SHISA9: variants seen among roughly 807,000 people sequenced by gnomAD.
The protein encoded by SHISA9 is protein shisa-9.
A neutral mutation model predicts 38.0 loss-of-function variants in SHISA9; 13 were observed. That is an observed-to-expected ratio of 0.34 (90% CI 0.22 to 0.54). SHISA9 has a LOEUF of 0.54. Ranked by LOEUF, SHISA9 falls within the 20% of genes least tolerant of loss-of-function variation. SHISA9 has a pLI of 0.91. For synonymous variants in SHISA9, 275 were observed against 242.0 expected (o/e 1.14, Z -1.27); for missense variants, 538 against 575.8 (o/e 0.93, Z 0.67).
chr16:13,082,165 C>G (rs2073658554), intron 2 of SHISA9, among the ~76,000 whole-genome samples: 1 of 152,214 alleles, frequency 6.6e-6, no homozygotes, highest in South Asian at 2.1e-4. Flanking sequence ...GAGGTATTAA[C>G]CAGAAGTGTT....
chr16:13,264,282 T>A, the SHISA9 span, among the ~76,000 whole-genome samples: 7 of 152,014 alleles, frequency 4.6e-5, no homozygotes, highest in South Asian at 1.5e-3. Context: ...TACAGTGTTT[T>A]TTGTGCCTCA....
At chr16:12,993,796 TGTTAA>T (rs1292934727) in intron 2 of SHISA9, among the ~76,000 whole-genome samples, 2 of 152,128 alleles carry the variant, frequency 1.3e-5, no homozygotes. Context: ...AGCAAGAGAA[TGTTAA>T]GTTGAGATCT....
intron 1 of SHISA9, among the ~76,000 whole-genome samples, chr16:12,915,018 C>T (rs1453671550): frequency 6.6e-6 from 1 of 152,218 alleles, no homozygotes; most frequent in Admixed American, 6.5e-5. Context: ...TGCCCCCAAA[C>T]AGCTCCTCTT....
chr16:13,357,950 G>C, the SHISA9 span, among the ~76,000 whole-genome samples: 1 of 152,110 alleles, frequency 6.6e-6, no homozygotes, highest in Non-Finnish European at 1.5e-5. Flanking sequence ...GGTGGGGCAG[G>C]GCATATTCAC....
chr16:13,151,002 A>G (rs972246275), intron 2 of SHISA9, among the ~76,000 whole-genome samples: 1 of 152,124 alleles, frequency 6.6e-6, no homozygotes, highest in Non-Finnish European at 1.5e-5. Context: ...CTCTACCCCA[A>G]TTATTACCGA....
chr16:13,291,338 C>T, the SHISA9 span, among the ~76,000 whole-genome samples: 17 of 152,266 alleles, frequency 1.1e-4, no homozygotes, highest in African/African-American at 4.1e-4. Context: ...CTTGATAAGA[C>T]TAGTGACAAA....
chr16:13,040,340 G>A (rs1390494022), intron 2 of SHISA9, among the ~76,000 whole-genome samples: 3 of 152,124 alleles, frequency 2.0e-5, no homozygotes, highest in East Asian at 1.9e-4. Flanking sequence ...CTACCCCAGG[G>A]CCTTTGCACT....
the SHISA9 span, among the ~76,000 whole-genome samples, chr16:13,412,316 C>T: frequency 2.0e-5 from 3 of 152,258 alleles, no homozygotes; most frequent in African/African-American, 7.2e-5. Context: ...GTAGGGAGGG[C>T]TGATTTCCCC....
the SHISA9 span, among the ~76,000 whole-genome samples, chr16:13,559,624 C>T: frequency 3.3e-5 from 5 of 152,094 alleles, no homozygotes; most frequent in African/African-American, 1.2e-4. Flanking sequence ...CTCAAGCAAA[C>T]CTCCCACCTC....
intron 2 of SHISA9, among the ~76,000 whole-genome samples, chr16:13,071,605 T>TTCCTTCCTTCCTTCC (rs1567202391): frequency 1.4e-5 from 2 of 142,252 alleles, no homozygotes; most frequent in African/African-American, 2.8e-5. Flanking sequence ...TCCTTCCCTT[T>TTCCTTCCTTCCTTCC]CTTCCCTTCC....
the SHISA9 span, among the ~76,000 whole-genome samples, chr16:13,298,132 C>A: frequency 1.5e-4 from 23 of 152,296 alleles, no homozygotes; most frequent in Middle Eastern, 6.8e-3. Flanking sequence ...GTGACCAATT[C>A]AATCCATGGA....
At chr16:12,973,602 C>G (rs1412420752) in intron 2 of SHISA9, among the ~76,000 whole-genome samples, 1 of 152,182 alleles carries the variant, frequency 6.6e-6, no homozygotes, top group African/African-American at 2.4e-5. Flanking sequence ...TCTGCAGATG[C>G]TAGTGATAGT....
chr16:13,285,462 G>GTTTTTTTTTTTT, the SHISA9 span, among the ~76,000 whole-genome samples: 117 of 95,784 alleles, frequency 1.2e-3, 1 homozygote, highest in African/African-American at 4.7e-3. Context: ...TTCAGGTGTA[G>GTTTTTTTTTTTT]TTTTTTTTTT....
At chr16:13,011,319 A>ATTT (rs55755155) in intron 2 of SHISA9, among the ~76,000 whole-genome samples, 8,495 of 127,590 alleles carry the variant, frequency 0.067, 551 homozygotes, top group East Asian at 0.25. Flanking sequence ...ATTAGCACTC[A>ATTT]TTTTTTTTTT....
chr16:13,348,698 G>A, the SHISA9 span, among the ~76,000 whole-genome samples: 1 of 151,878 alleles, frequency 6.6e-6, no homozygotes, highest in Non-Finnish European at 1.5e-5. Context: ...GAATCATTGT[G>A]ATCAGCTCTA....
chr16:13,512,455 A>G, the SHISA9 span, among the ~76,000 whole-genome samples: 10 of 152,234 alleles, frequency 6.6e-5, no homozygotes, highest in South Asian at 2.1e-4. Context: ...ATTCAATGCT[A>G]TTCCCATCAG....
At chr16:13,458,451 GC>G in the SHISA9 span, 1 of 387,528 alleles carries the variant, frequency 2.6e-6, no homozygotes. Context: ...CTCAGATAAA[GC>G]GGAGGGAAGG....
intron 2 of SHISA9, among the ~76,000 whole-genome samples, chr16:12,984,722 A>G (rs2072284255): frequency 6.6e-6 from 1 of 152,246 alleles, no homozygotes; most frequent in Admixed American, 6.5e-5. Context: ...TGTGTTCTCC[A>G]GATAGCCTCT....
At chr16:13,187,643 G>A (rs138560494) in intron 2 of SHISA9, among the ~76,000 whole-genome samples, 1,689 of 152,048 alleles carry the variant, frequency 0.011, 15 homozygotes, top group Non-Finnish European at 0.018. Context: ...CCCATCTGGG[G>A]AACTTTTGAA....
Sources: allele counts gnomAD v4.1 joint callset (sites outside exome capture counted in the v4.1 genomes callset), GRCh38; gene constraint gnomAD v4.1.1; transcripts MANE v1.5; gene names NCBI Gene and HGNC (gene_info 2026-07-23, HGNC 2026-07-21).